Variants in CERT1 observed in about 807,000 individuals in gnomAD.
CERT1 encodes the protein ceramide transfer protein.
A neutral mutation model predicts 87.9 loss-of-function variants in CERT1; 31 were observed. That is an observed-to-expected ratio of 0.35 (90% CI 0.27 to 0.48). The LOEUF (loss-of-function observed/expected upper bound fraction) is 0.48, where lower values mean the gene tolerates loss of function less well. CERT1 is among the 20% of genes least tolerant of loss of function. The probability of loss-of-function intolerance (pLI) is 0.99; values close to 1 mark genes in which losing one functional copy is unlikely to be tolerated. For missense variants in CERT1, 487 were observed against 758.0 expected (o/e 0.64, Z 4.20); for synonymous variants, 289 against 250.9 (o/e 1.15, Z -1.44).
At chr5:75,428,511 T>C (rs1763721311) in intron 3 of CERT1, among the ~76,000 whole-genome samples, 1 of 152,102 alleles carries the variant, frequency 6.6e-6, no homozygotes, top group South Asian at 2.1e-4. Context: ...ACCCTGTCTC[T>C]ACTAAAAATA....
intron 3 of CERT1, among the ~76,000 whole-genome samples, chr5:75,450,937 G>A (rs898116309): frequency 1.3e-5 from 2 of 152,168 alleles, no homozygotes; most frequent in Admixed American, 1.3e-4. Context: ...TCCTAGGGCT[G>A]TGTCATGGGT....
chr5:75,376,269 T>C (rs1298321889), downstream of CERT1: 1 of 152,264 alleles, frequency 6.6e-6, no homozygotes, highest in Non-Finnish European at 1.5e-5. Context: ...CAGATTTCTC[T>C]TGCTTTAATA....
chr5:75,505,920 G>A, intron 2 of CERT1, 62 bp downstream of exon 2: 1 of 1,345,212 alleles, frequency 7.4e-7, no homozygotes, highest in Non-Finnish European at 1.1e-6. Flanking sequence ...ACGTAGAACA[G>A]TTCCTGGTAT....
chr5:75,495,292 C>CA (rs1767004212), intron 2 of CERT1, among the ~76,000 whole-genome samples: 1 of 152,182 alleles, frequency 6.6e-6, no homozygotes, highest in Non-Finnish European at 1.5e-5. Flanking sequence ...TGCAGTGGCT[C>CA]ATGCCTGTAA....
chr5:75,431,018 G>A (rs957387239), intron 3 of CERT1, among the ~76,000 whole-genome samples: 7 of 152,186 alleles, frequency 4.6e-5, no homozygotes, highest in African/African-American at 1.7e-4. Flanking sequence ...TCCAGTCTGG[G>A]TGACACAGAC....
At chr5:75,369,117 T>C (rs1369709424) in intron 17 of CERT1, 1 of 152,138 alleles carries the variant, frequency 6.6e-6, no homozygotes, top group Non-Finnish European at 1.5e-5. Flanking sequence ...GGTTTCACCA[T>C]GTTAGACAGG....
At chr5:75,424,347 C>T (rs964885016) in intron 5 of CERT1, among the ~76,000 whole-genome samples, 20 of 151,722 alleles carry the variant, frequency 1.3e-4, no homozygotes, top group South Asian at 2.1e-4. Flanking sequence ...TTTGGAAGGC[C>T]GAGGCGGGCA....
At chr5:75,482,994 T>C (rs146380205) in intron 2 of CERT1, among the ~76,000 whole-genome samples, 5,933 of 152,238 alleles carry the variant, frequency 0.039, 153 homozygotes, top group South Asian at 0.067. Flanking sequence ...TGAACATCCA[T>C]AGCATTAAGA....
chr5:75,429,102 C>T (rs563404221), intron 3 of CERT1, among the ~76,000 whole-genome samples: 2 of 151,328 alleles, frequency 1.3e-5, no homozygotes, highest in South Asian at 2.1e-4. Context: ...ATCCCTACCC[C>T]TACTTCCACC....
In CERT1 at chr5:75,484,442, G is replaced by C. The variant is rs576985475; in HGVS notation, c.231+21540C>G. On this transcript the variant is annotated intron_variant, in intron 2 of 16. Coordinates refer to ENST00000643780, the MANE Select transcript of CERT1 (RefSeq NM_001379029.1). ...TATGGACTAAACTCTCCAATCAAAA[G>C]ACAGAGTGACTGAATGGATTAAAAA... Among the ~76,000 whole-genome samples, 4 of 148,726 alleles carry C rather than the reference G, an allele frequency of 2.7e-5. No homozygotes were observed. In the South Asian group the frequency reaches 6.3e-4, roughly 24 times the overall value.
At chr5:75,432,097 G>A (rs1465968517) in intron 3 of CERT1, among the ~76,000 whole-genome samples, 1 of 149,920 alleles carries the variant, frequency 6.7e-6, no homozygotes, top group East Asian at 2.0e-4. Flanking sequence ...TGTCACCCAG[G>A]CTGCAATGCA....
chr5:75,381,878 T>C (rs1398013910), intron 15 of CERT1, 71 bp downstream of exon 15: 1 of 1,383,342 alleles, frequency 7.2e-7, no homozygotes, highest in Non-Finnish European at 1.0e-6. Context: ...GCTGTGTTTA[T>C]CATTTTTGTC....
chr5:75,377,227 T>C (rs1231028227), downstream of CERT1: 1 of 152,186 alleles, frequency 6.6e-6, no homozygotes, highest in Non-Finnish European at 1.5e-5. Flanking sequence ...GTTGGGAAAG[T>C]TATAAAGTTT....
chr5:75,495,446 T>C (rs1767011352), intron 2 of CERT1, among the ~76,000 whole-genome samples: 1 of 151,978 alleles, frequency 6.6e-6, no homozygotes, highest in Admixed American at 6.5e-5. Context: ...TAGTCTCAGC[T>C]ACTCGGGGGG....
intron 7 of CERT1, among the ~76,000 whole-genome samples, chr5:75,414,053 G>A (rs961367701): frequency 1.4e-4 from 21 of 152,222 alleles, no homozygotes; most frequent in Admixed American, 3.9e-4. Context: ...ATAAAATAGT[G>A]TATAGCAATA....
At chr5:75,380,841 T>G (rs1304150340) in intron 16 of CERT1, among the ~76,000 whole-genome samples, 1 of 151,990 alleles carries the variant, frequency 6.6e-6, no homozygotes, top group East Asian at 1.9e-4. Context: ...TTTTAAAATT[T>G]TCCTATCCAG....
chr5:75,456,907 C>T (rs1003584654), intron 3 of CERT1, among the ~76,000 whole-genome samples: 2 of 151,928 alleles, frequency 1.3e-5, no homozygotes, highest in Non-Finnish European at 2.9e-5. Context: ...AAACACAAAA[C>T]GGGAACCTTG....
At chr5:75,404,864 TG>T (rs1193813111) in intron 8 of CERT1, among the ~76,000 whole-genome samples, 3 of 151,874 alleles carry the variant, frequency 2.0e-5, no homozygotes, top group African/African-American at 7.2e-5. Context: ...CAAAAATCAG[TG>T]GGTGTGGTGG....
intron 3 of CERT1, among the ~76,000 whole-genome samples, chr5:75,435,880 C>T (rs906694166): frequency 1.3e-5 from 2 of 152,150 alleles, no homozygotes; most frequent in African/African-American, 4.8e-5. Context: ...GTGGCTCCCT[C>T]ACCCTGCACA....
Sources: allele counts gnomAD v4.1 joint callset (sites outside exome capture counted in the v4.1 genomes callset), GRCh38; gene constraint gnomAD v4.1.1; transcripts MANE v1.5; gene names NCBI Gene and HGNC (gene_info 2026-07-23, HGNC 2026-07-21).